The following PRKCE variants were observed in gnomAD, a reference collection of about 807,000 sequenced individuals.
PRKCE encodes the protein protein kinase C epsilon type.
A neutral mutation model predicts 85.4 loss-of-function variants in PRKCE; 16 were observed. The ratio of observed to expected loss-of-function variants is 0.19; its 90% CI spans 0.13 to 0.28. The LOEUF (loss-of-function observed/expected upper bound fraction) is 0.28. PRKCE is among the 10% of genes least tolerant of loss of function. The pLI is 1.00. For synonymous variants in PRKCE, 388 were observed against 371.5 expected, an observed-to-expected ratio of 1.04 and a Z score of -0.51; for missense variants, 573 against 975.2, an observed-to-expected ratio of 0.59 and a Z score of 5.49.
At chr2:45,726,265 A>C (rs542283648) in intron 1 of PRKCE, among the ~76,000 whole-genome samples, 7 of 152,352 alleles carry the variant, frequency 4.6e-5, no homozygotes, top group African/African-American at 1.7e-4. Context: ...AATGCCATCA[A>C]ACAGTGTCAC....
chr2:45,931,382 AAC>A (rs1313459646), intron 2 of PRKCE, among the ~76,000 whole-genome samples: 2 of 152,236 alleles, frequency 1.3e-5, no homozygotes, highest in African/African-American at 4.8e-5. Flanking sequence ...TAAATAACAA[AAC>A]AAGGCTCCAT....
chr2:45,817,066 A>AGTGTGT (rs200785601), intron 1 of PRKCE, among the ~76,000 whole-genome samples: 20,531 of 135,654 alleles, frequency 0.15, 1,643 homozygotes, highest in African/African-American at 0.18. Context: ...CTGTAAGTAG[A>AGTGTGT]GTGTGTGTGT....
intron 1 of PRKCE, among the ~76,000 whole-genome samples, chr2:45,778,747 C>T (rs373010640): frequency 1.3e-5 from 2 of 152,180 alleles, no homozygotes; most frequent in Non-Finnish European, 2.9e-5. Flanking sequence ...GATGGCCCTC[C>T]CCTCTATTTG....
chr2:45,704,754 G>C (rs571430402), intron 1 of PRKCE, among the ~76,000 whole-genome samples: 67 of 152,302 alleles, frequency 4.4e-4, no homozygotes, highest in African/African-American at 1.4e-3. Context: ...CAAGGTGACA[G>C]GCAGCAGTTT....
chr2:46,019,761 G>A (rs1251388819), intron 10 of PRKCE, among the ~76,000 whole-genome samples: 1 of 151,716 alleles, frequency 6.6e-6, no homozygotes, highest in Non-Finnish European at 1.5e-5. Flanking sequence ...GTTTGGCTAG[G>A]AGGCATTTTT....
At chr2:46,005,348 C>A (rs61758280) in intron 8 of PRKCE, among the ~76,000 whole-genome samples, 95 of 152,214 alleles carry the variant, frequency 6.2e-4, no homozygotes, top group African/African-American at 2.3e-3. Flanking sequence ...GCTCTCGTGA[C>A]CATTATCAGA....
At chr2:45,701,023 T>C (rs1678597973) in intron 1 of PRKCE, among the ~76,000 whole-genome samples, 1 of 152,156 alleles carries the variant, frequency 6.6e-6, no homozygotes, top group Non-Finnish European at 1.5e-5. Flanking sequence ...CCTTAACAAC[T>C]TGGAAGGAAG....
At chr2:46,167,739 C>G (rs1441956878) in intron 14 of PRKCE, 1 of 151,258 alleles carries the variant, frequency 6.6e-6, no homozygotes, top group Non-Finnish European at 1.5e-5. Context: ...TTTCTCAGCA[C>G]CCCCCACCCC....
intron 2 of PRKCE, among the ~76,000 whole-genome samples, chr2:45,961,496 G>A (rs562619212): frequency 6.6e-6 from 1 of 152,264 alleles, no homozygotes; most frequent in East Asian, 1.9e-4. Context: ...CTTGTTATTT[G>A]TTTGAGGGGG....
chr2:46,056,830 G>C (rs746507128), intron 10 of PRKCE, among the ~76,000 whole-genome samples: 2 of 152,126 alleles, frequency 1.3e-5, no homozygotes, highest in Non-Finnish European at 2.9e-5. Flanking sequence ...ATATTAATGA[G>C]AAAATTCAAG....
chr2:46,042,623 A>T (rs1361556739), intron 10 of PRKCE, among the ~76,000 whole-genome samples: 1 of 152,180 alleles, frequency 6.6e-6, no homozygotes, highest in African/African-American at 2.4e-5. Flanking sequence ...CTTCTACTTA[A>T]TTTCAACTAA....
chr2:45,835,814 T>G (rs1690824672), intron 1 of PRKCE, among the ~76,000 whole-genome samples: 1 of 152,152 alleles, frequency 6.6e-6, no homozygotes. Flanking sequence ...AGGCTGGTCT[T>G]GAACTCCTGG....
At chr2:46,050,441 G>T (rs78333098) in intron 10 of PRKCE, among the ~76,000 whole-genome samples, 4,091 of 152,340 alleles carry the variant, frequency 0.027, 86 homozygotes, top group Non-Finnish European at 0.041. Flanking sequence ...AGTTTAATGG[G>T]TTTAAGCCAT....
intron 6 of PRKCE, among the ~76,000 whole-genome samples, chr2:46,000,593 T>G (rs1264169448): frequency 7.0e-6 from 1 of 143,832 alleles, no homozygotes; most frequent in East Asian, 2.3e-4. Context: ...ACCCCCACAC[T>G]GAAATCCTGA....
At chr2:46,062,614 C>A (rs529659377) in intron 10 of PRKCE, among the ~76,000 whole-genome samples, 2 of 151,062 alleles carry the variant, frequency 1.3e-5, no homozygotes, top group Non-Finnish European at 2.9e-5. Flanking sequence ...AACCCTCCCC[C>A]ACTTCACCCC....
chr2:46,046,566 G>T (rs530537455), intron 10 of PRKCE, among the ~76,000 whole-genome samples: 1 of 152,296 alleles, frequency 6.6e-6, no homozygotes, highest in South Asian at 2.1e-4. Context: ...ATTGAAAAAT[G>T]GAAAAATTTA....
intron 14 of PRKCE, chr2:46,167,750 G>GC (rs375423970): frequency 1.1e-4 from 6 of 56,478 alleles, no homozygotes; most frequent in Admixed American, 9.0e-4. Flanking sequence ...CCCCCACCCC[G>GC]CCCCCCGGTC....
rs774827016 is a variant in PRKCE, at chr2:46,086,348, T to C, written c.1578T>C (p.His526=). ...CGGCCCTCATGTTCCTCCACCAGCA[T>C]GGAGTCATCTACAGGTAGCCTCTTC... ...VTSALMFLHQ[H]GVIYRDLKLD... The change falls in exon 11 of 15, where the codon CAT becomes CAC. Residue 526 remains histidine, a synonymous_variant. Coordinates refer to ENST00000306156, the MANE Select transcript of PRKCE (RefSeq NM_005400.3). 1.7e-5 allele frequency: 27 copies of C among 1,599,340 alleles called. No individual in the cohort carries two copies. The highest frequency in any genetic ancestry group is 3.3e-4 in the Middle Eastern group (2 of 6,078).
At chr2:45,938,920 C>G (rs184605131) in intron 2 of PRKCE, among the ~76,000 whole-genome samples, 1 of 152,272 alleles carries the variant, frequency 6.6e-6, no homozygotes, top group East Asian at 1.9e-4. Flanking sequence ...GTAACTCTTT[C>G]TAGCACATTC....
Sources: allele counts gnomAD v4.1 joint callset (sites outside exome capture counted in the v4.1 genomes callset), GRCh38; gene constraint gnomAD v4.1.1; transcripts MANE v1.5; gene names NCBI Gene and HGNC (gene_info 2026-07-23, HGNC 2026-07-21).